TNXB: variants seen among roughly 807,000 people sequenced by gnomAD.
TNXB encodes the protein tenascin-X.
TNXB carries 183 observed loss-of-function variants against 340.5 expected under a neutral mutation model. The ratio of observed to expected loss-of-function variants is 0.54; its 90% CI spans 0.48 to 0.61. TNXB has a LOEUF of 0.61. Ranked by LOEUF, TNXB falls within the 20% of genes least tolerant of loss-of-function variation. The pLI, the probability that TNXB is intolerant of heterozygous loss-of-function variation, is 0.00. For missense variants in TNXB, 4,613 were observed against 5,446.4 expected (o/e 0.85, Z 4.82); for synonymous variants, 2,121 against 2,314.5 (o/e 0.92, Z 2.40).
chr6:32,071,954 TG>T (rs781409905), intron 13 of TNXB, 35 bp downstream of exon 13: 2 of 1,534,680 alleles, frequency 1.3e-6, no homozygotes, highest in South Asian at 2.5e-5. Flanking sequence ...GGGAAGGCTG[TG>T]GCCTCAGGCT....
chr6:32,058,027 T>C lies in TNXB; in HGVS notation c.7825+31A>G, dbSNP rs766318535. On this transcript the variant is annotated intron_variant, in intron 22 of 43. Coordinates refer to ENST00000644971, the MANE Select transcript of TNXB (RefSeq NM_001365276.2). The surrounding 1 kb of genome is among the most constrained non-coding windows in gnomAD (Gnocchi z 5.1). Reference sequence around the variant, plus strand: ...GAAGGGCACATTTTCTAGGGCTGTCTTCCAACCCTGCCCCACCCACACTCA... The same window carrying C: ...GAAGGGCACATTTTCTAGGGCTGTCCTCCAACCCTGCCCCACCCACACTCA... 1 of 1,576,952 alleles carries C rather than the reference T, an allele frequency of 6.3e-7. No homozygotes were observed. Among genetic ancestry groups the C allele is most frequent in the Non-Finnish European group, 8.6e-7 (1 of 1,162,910 alleles).
At position 32,089,532 on chromosome 6, in the gene TNXB, A is replaced by C. The variant is rs1779985668; in HGVS notation, c.2359-153T>G. On this transcript the variant is annotated intron_variant, in intron 4 of 43. Transcript: ENST00000644971. This position sits in a 1 kb window ranked among gnomAD's most constrained non-coding sequence, Gnocchi z 6.2. ...CAAGCTGGGGAGCAAACATGCTGAG[A>C]GCGCTAACTCCTTGTGAGCCACTGT... Among the ~76,000 whole-genome samples, 1 of 152,202 alleles carries C rather than the reference A, an allele frequency of 6.6e-6. No homozygotes were observed. The highest frequency in any genetic ancestry group is 1.5e-5 in the Non-Finnish European group (1 of 68,032).
Position 32,041,207 on chromosome 6 carries a change from C to A in TNXB, c.*142G>T. 1.1e-6 allele frequency: 1 copy of A among 935,094 alleles called. No individual in the cohort carries two copies. Among genetic ancestry groups the A allele is most frequent in the Non-Finnish European group, 1.7e-6 (1 of 575,340 alleles). 57.9% of individuals were successfully genotyped at this position (935,094 alleles called of 1,614,324 possible). On this transcript the variant is annotated 3_prime_UTR_variant, in exon 44 of 44. Transcript: ENST00000644971. ...CTCCCGTACGAACCCCTCCCCTCCC[C>A]CCTGTAAACACAGTGCTGCGAGATC...
Position 32,067,990 on chromosome 6 carries a change from A to G in TNXB, c.6221-6T>C, listed in dbSNP as rs762524296. On this transcript the variant is annotated splice_polypyrimidine_tract_variant and splice_region_variant and intron_variant, in intron 17 of 43. Coordinates refer to ENST00000644971, the MANE Select transcript of TNXB (RefSeq NM_001365276.2). The surrounding 1 kb of genome is among the most constrained non-coding windows in gnomAD (Gnocchi z 4.2). ...GGGGGTCTCTTCCTCTGCAGCTGAG[A>G]AGGAGGAAGAGAGAGTGAGGGGGAT... is the stretch of plus-strand genomic sequence containing the variant. 16 of 1,609,392 alleles carry G rather than the reference A, an allele frequency of 9.9e-6. No individual in the cohort carries two copies. Among genetic ancestry groups the G allele is most frequent in the South Asian group, 3.3e-5 (3 of 90,966 alleles).
In TNXB at chr6:32,056,108, G is replaced by A. The variant is rs562786887; in HGVS notation, c.8210C>T (p.Pro2737Leu). The A allele has an allele frequency of 6.8e-6, 11 of 1,612,656 alleles. No homozygotes were observed. In the African/African-American group the frequency reaches 1.1e-4, roughly 16 times the overall value. Residue 2737 changes from proline (P) to leucine (L), a missense_variant, in exon 24 of 44, where the codon CCG (proline) becomes CTG (leucine). Physicochemically the swap from Pro to Leu is moderately conservative, Grantham distance 98. This residue lies in a region of TNXB where 4,327 missense variants were observed against 4,859.4 expected (regional missense o/e 0.89). Transcript: ENST00000644971. ...TGTCACTGTCAGCTCCCCCAGGAGC[G>A]GCTCCTCAGGGGGCTCCGGGGCCTC... ...STEAPEPPEE[P>L]LLGELTVTGS...
intron 4 of TNXB, among the ~76,000 whole-genome samples, chr6:32,093,702 G>A (rs1237479906): frequency 2.0e-5 from 3 of 152,108 alleles, no homozygotes; most frequent in East Asian, 1.9e-4. Context: ...CTGGGGAAAC[G>A]ACCATATCTT....
At position 32,079,739 on chromosome 6, in the gene TNXB, C is replaced by G. The variant is rs1484491706; in HGVS notation, c.4043-374G>C. Among the ~76,000 whole-genome samples, 1 of 152,180 alleles carries G rather than the reference C, an allele frequency of 6.6e-6. No individual in the cohort carries two copies. The highest frequency in any genetic ancestry group is 1.5e-5 in the Non-Finnish European group (1 of 68,022). ...GCTGCCCCACCCCTCATATGAGGAT[C>G]TGACCATGGAATGTGCTCTTGCTGT... On this transcript the variant is annotated intron_variant, in intron 10 of 43. Transcript: ENST00000644971. This position sits in a 1 kb window ranked among gnomAD's most constrained non-coding sequence, Gnocchi z 7.1.
At position 32,046,432 on chromosome 6, in the gene TNXB, G is replaced by T. The variant is rs1039504571; in HGVS notation, c.10349C>A (p.Pro3450His). ...AGCCACGGTCAGTTCCCCCAGGTGG[G>T]GAGGTAGCTCCTTCTCCAGGGGAGC... ...TTAPLEKELP[P>H]HLGELTVAEE... is the part of the protein sequence containing the mutation. Residue 3450 changes from proline to histidine, a missense_variant, in exon 31 of 44, where the codon CCC becomes CAC. By Grantham distance (77) the Pro-to-His change is moderately conservative (BLOSUM62 -2). This residue lies in a region of TNXB where 4,327 missense variants were observed against 4,859.4 expected (regional missense o/e 0.89). Coordinates refer to ENST00000644971, the MANE Select transcript of TNXB (RefSeq NM_001365276.2). The surrounding 1 kb of genome is among the most constrained non-coding windows in gnomAD (Gnocchi z 6.9). 2.8e-5 allele frequency: 44 copies of T among 1,576,102 alleles called. No homozygotes were observed. The highest frequency in any genetic ancestry group is 3.8e-5 in the Non-Finnish European group (44 of 1,153,976).
At chr6:32,093,417 C>G in intron 4 of TNXB, 1 of 701,954 alleles carries the variant, frequency 1.4e-6, no homozygotes, top group South Asian at 1.5e-5. Flanking sequence ...TCTGCTTTGG[C>G]TGGAGAGTGA....
rs1777347343 is a variant in TNXB, at chr6:32,052,608, GGA to G, written c.9115+60_9115+61del. 1 of 1,578,324 alleles carries G rather than the reference GGA, an allele frequency of 6.3e-7. No homozygotes were observed. The highest frequency in any genetic ancestry group is 8.7e-7 in the Non-Finnish European group (1 of 1,153,992). On this transcript the variant is annotated intron_variant, in intron 26 of 43. Coordinates refer to ENST00000644971, the MANE Select transcript of TNXB (RefSeq NM_001365276.2). This position sits in a 1 kb window ranked among gnomAD's most constrained non-coding sequence, Gnocchi z 4.7. ...TTCAGAGTATGTTTTCACGAAGACT[GGA>G]GAGACAGCAGTGTCTTCCAGGGCCA...
chr6:32,101,179 A>G lies in TNXB; in HGVS notation c.-8-2973T>C, dbSNP rs561743183. Among the ~76,000 whole-genome samples the G allele has an allele frequency of 1.7e-4, 26 of 152,274 alleles. No homozygotes were observed. The East Asian group carries it at 4.8e-3, about 28-fold the overall frequency. Reference sequence around the variant, plus strand: ...TCAAAAGACAAACAGGTACTCCAGAAAAGAATATAGCCAAAGAGCCAATAA... The same window carrying G: ...TCAAAAGACAAACAGGTACTCCAGAGAAGAATATAGCCAAAGAGCCAATAA... On this transcript the variant is annotated intron_variant, in intron 1 of 43. Coordinates refer to ENST00000644971, the MANE Select transcript of TNXB (RefSeq NM_001365276.2).
Position 32,084,688 on chromosome 6 carries a change from C to T in TNXB, c.3170G>A (p.Gly1057Glu). ...CAGGCGTGGTGGGCCTGAGGACTTC[C>T]CAGGCTTCTCCTCATCCTTGTCTGG... ...GIMDKDEEKPGKSSGPPRLGE... is the reference protein window; with the variant it reads ...GIMDKDEEKPEKSSGPPRLGE... Residue 1057 changes from glycine (G) to glutamate (E), a missense_variant, in exon 8 of 44, where the codon GGG becomes GAG. This residue lies in a region of TNXB where 4,327 missense variants were observed against 4,859.4 expected (regional missense o/e 0.89). Coordinates refer to ENST00000644971, the MANE Select transcript of TNXB (RefSeq NM_001365276.2). This position sits in a 1 kb window ranked among gnomAD's most constrained non-coding sequence, Gnocchi z 5.5. 6.3e-7 allele frequency: 1 copy of T among 1,576,802 alleles called. No individual in the cohort carries two copies. The highest frequency in any genetic ancestry group is 1.3e-5 in the African/African-American group (1 of 74,368).
rs1225724246 is a variant in TNXB, at chr6:32,098,076, G to C, written c.123C>G (p.Pro41=). The C allele has an allele frequency of 3.7e-6, 6 of 1,605,872 alleles. No homozygotes were observed. Among genetic ancestry groups the C allele is most frequent in the South Asian group, 1.1e-5 (1 of 89,458 alleles). The change falls in exon 2 of 44, where the codon CCC becomes CCG. Residue 41 remains proline (P), a synonymous_variant. Coordinates refer to ENST00000644971, the MANE Select transcript of TNXB (RefSeq NM_001365276.2). ...CCCCCACTGTGTGGCCCCCTGGCTG[G>C]GGAGGGGGCCGGGGGGCTGGCAGTG... ...NVTLPAPRPP[P]QPGGHTVGAG... is the part of the protein sequence containing the mutation.
intron 18 of TNXB, 112 bp from the exon 19 acceptor site, chr6:32,065,229 C>T: frequency 4.0e-6 from 4 of 989,714 alleles, no homozygotes; most frequent in Non-Finnish European, 5.8e-6. Context: ...AACTTAAGAT[C>T]GATTTCTGAT....
rs1346638429 is a variant in TNXB, at chr6:32,046,350, G to A, written c.10431C>T (p.Asp3477=). 3 of 1,605,182 alleles carry A rather than the reference G, an allele frequency of 1.9e-6. No homozygotes were observed. The highest frequency in any genetic ancestry group is 2.5e-6 in the Non-Finnish European group (3 of 1,177,238). ...TGTCCCTGTACTGGACCACGAAGGA[G>A]TCAAAGGGGCCCTGGGCTACCGTCC... is the stretch of plus-strand genomic sequence containing the variant. ...LSWTVAQGPF[D]SFVVQYRDTD... The change falls in exon 31 of 44, where the codon GAC becomes GAT. Residue 3477 remains aspartate (D), a synonymous_variant. Coordinates refer to ENST00000644971, the MANE Select transcript of TNXB (RefSeq NM_001365276.2). This position sits in a 1 kb window ranked among gnomAD's most constrained non-coding sequence, Gnocchi z 6.9.
intron 11 of TNXB, among the ~76,000 whole-genome samples, chr6:32,078,063 CAGAAAGAAAGAGAA>C (rs1779182806): frequency 1.1e-5 from 1 of 92,990 alleles, no homozygotes; most frequent in South Asian, 3.5e-4. Flanking sequence ...GAGAGAGAGA[CAGAAAGAAAGAGAA>C]AGAAAGAAAG....
rs1238050921 is a variant in TNXB at position 32,068,166 on chromosome 6, C to T, written c.6221-182G>A. Among the ~76,000 whole-genome samples, 3 of 152,142 alleles carry T rather than the reference C, an allele frequency of 2.0e-5. No homozygotes were observed. The highest frequency in any genetic ancestry group is 2.9e-5 in the Non-Finnish European group (2 of 68,022). ...AAGTTCCAGGGTCAGCTGTGGGGGA[C>T]CTGGGACAGCCACCAGCACAGCAAA... On this transcript the variant is annotated intron_variant, in intron 17 of 43. Transcript: ENST00000644971. This position sits in a 1 kb window ranked among gnomAD's most constrained non-coding sequence, Gnocchi z 5.3.
At chr6:32,092,759 T>C in intron 4 of TNXB, among the ~76,000 whole-genome samples, 1 of 151,246 alleles carries the variant, frequency 6.6e-6, no homozygotes, top group South Asian at 2.1e-4. Flanking sequence ...GAAGGTACGA[T>C]GCCAGGGACC....
intron 18 of TNXB, among the ~76,000 whole-genome samples, chr6:32,066,831 T>C (rs1778363542): frequency 6.6e-6 from 1 of 152,086 alleles, no homozygotes; most frequent in Admixed American, 6.6e-5. Context: ...CCTATCACTT[T>C]GGCTGAGGTG....
Sources: allele counts gnomAD v4.1 joint callset (sites outside exome capture counted in the v4.1 genomes callset), GRCh38; gene constraint gnomAD v4.1.1; regional missense constraint gnomAD v4.1.1; non-coding constraint Gnocchi (gnomAD v3.1); transcripts MANE v1.5; gene names NCBI Gene and HGNC (gene_info 2026-07-23, HGNC 2026-07-21).